Variants in BMP2 observed in about 807,000 individuals in gnomAD.
BMP2 encodes bone morphogenetic protein 2A.
In BMP2, 2 loss-of-function variants were observed where a neutral mutation model predicts 28.8. The ratio of observed to expected loss-of-function variants is 0.07; its 90% confidence interval spans 0.03 to 0.22. The LOEUF is 0.22. Ranked by LOEUF, BMP2 falls within the 10% of genes least tolerant of loss-of-function variation. The pLI is 1.00. For missense variants in BMP2, 437 were observed against 517.7 expected (o/e 0.84, Z 1.51); for synonymous variants, 218 against 204.3 (o/e 1.07, Z -0.57).
In BMP2 at chr20:6,779,830, ATAAT is replaced by A. The variant is rs1568550276; in HGVS notation, c.*744_*747del. On this transcript the variant is annotated 3_prime_UTR_variant, in exon 3 of 3. Transcript: ENST00000378827. ...AAAGAATAAAGCAGGATCCATAGAA[ATAAT>A]TAGGAAAACGATGAACCTGCAGGAA... is the stretch of plus-strand genomic sequence containing the variant. 6.6e-6 allele frequency: 1 copy of A among 152,352 alleles called. No homozygotes were observed. The highest frequency in any genetic ancestry group is 1.9e-4 in the East Asian group (1 of 5,202). The allele number at this position is 152,352 out of a possible 1,614,324, so 9.4% of individuals were successfully genotyped here. A position where few individuals can be genotyped will look rare whatever the true frequency, so the allele number is the denominator to read the frequency against.
chr20:6,771,792 G>C (rs548923782), intron 2 of BMP2, among the ~76,000 whole-genome samples: 1 of 152,284 alleles, frequency 6.6e-6, no homozygotes, highest in Admixed American at 6.5e-5. Context: ...AATCAGATTT[G>C]AAAGGCAGTA....
intron 2 of BMP2, among the ~76,000 whole-genome samples, chr20:6,775,011 C>T (rs1275693634): frequency 6.6e-6 from 1 of 152,200 alleles, no homozygotes; most frequent in East Asian, 1.9e-4. Context: ...GCCATAGCTC[C>T]ATCCATTTGG....
intron 2 of BMP2, among the ~76,000 whole-genome samples, chr20:6,770,727 T>C (rs1270088986): frequency 2.0e-5 from 3 of 152,068 alleles, no homozygotes; most frequent in African/African-American, 4.8e-5. Context: ...CCTGGAAGAA[T>C]TGGAGAGAAA....
In BMP2 at chr20:6,767,914, C is replaced by T. The variant is rs1017925880; in HGVS notation, c.-969C>T. The stretch of plus-strand genomic sequence containing the variant: ...GCCGCAGACCCCGCGCGGGCTGGAG[C>T]ACCCGGCAGAGCGCGCCACAGCGCC... On this transcript the variant is annotated 5_prime_UTR_variant, in exon 1 of 3. Transcript: ENST00000378827. 7.3e-5 allele frequency: 28 copies of T among 383,530 alleles called. No homozygotes were observed. The East Asian group carries it at 1.0e-3, about 14-fold the overall frequency. The allele number at this position is 383,530 out of a possible 1,614,324, so 23.8% of individuals were successfully genotyped here. A position where few individuals can be genotyped will look rare whatever the true frequency, so the allele number is the denominator to read the frequency against.
At chr20:6,770,636 C>T (rs1986380140) in intron 2 of BMP2, among the ~76,000 whole-genome samples, 164 bp downstream of exon 2, 1 of 152,220 alleles carries the variant, frequency 6.6e-6, no homozygotes, top group Non-Finnish European at 1.5e-5. Context: ...TAACTCACTG[C>T]TTGTGTGGTG....
rs924009859 is a variant in BMP2 at position 6,767,743 on chromosome 20, G to C, written c.-1140G>C. The C allele has an allele frequency of 1.1e-5, 2 of 186,862 alleles. No homozygotes were observed. The highest frequency in any genetic ancestry group is 2.2e-5 in the Non-Finnish European group (2 of 91,564). 11.6% of individuals were successfully genotyped at this position (186,862 alleles called of 1,614,324 possible). ...CGCCCCGCCGCGCTGCGCCCGGCTC[G>C]CGCTGCGCTAGTCGCTCCGCTTCCC... On this transcript the variant is annotated 5_prime_UTR_variant, in exon 1 of 3. Transcript: ENST00000378827.
chr20:6,774,723 A>C (rs1204627175), intron 2 of BMP2, among the ~76,000 whole-genome samples: 8 of 152,206 alleles, frequency 5.3e-5, no homozygotes, highest in Non-Finnish European at 7.3e-5. Flanking sequence ...GAGATAATTC[A>C]TATAAAGCTG....
rs374701917 is a variant in BMP2, at chr20:6,779,023, C to A, written c.1125C>A (p.Asp375Glu). ...ELSAISMLYL[D>E]ENEKVVLKNY... ...GTGCTATCTCGATGCTGTACCTTGACGAGAATGAAAAGGTTGTATTAAAGA... is the reference window on the plus strand; with the variant it reads ...GTGCTATCTCGATGCTGTACCTTGAAGAGAATGAAAAGGTTGTATTAAAGA... Residue 375 changes from aspartate (D) to glutamate (E), a missense_variant, in exon 3 of 3, where the codon GAC (aspartate) becomes GAA (glutamate). Around this residue, in one of 2 missense-constraint regions of BMP2, gnomAD observed 74 missense variants for 124.9 expected, o/e 0.59. Coordinates refer to ENST00000378827, the MANE Select transcript of BMP2 (RefSeq NM_001200.4). 6.2e-7 allele frequency: 1 copy of A among 1,613,228 alleles called. No homozygotes were observed. Among genetic ancestry groups the A allele is most frequent in the Non-Finnish European group, 8.5e-7 (1 of 1,179,874 alleles).
intron 2 of BMP2, 31 bp downstream of exon 2, chr20:6,770,503 G>T: frequency 6.5e-7 from 1 of 1,546,104 alleles, no homozygotes; most frequent in Non-Finnish European, 8.8e-7. Context: ...TGGGGGCGGG[G>T]AGTCACCCTG....
chr20:6,779,769 A>G lies in BMP2; in HGVS notation c.*680A>G, dbSNP rs1055921066. ...GATAAGAACCAGACATTGCTGATCT[A>G]TTATAGAAACTCTCCTCCTGCCCCT... is the stretch of plus-strand genomic sequence containing the variant. On this transcript the variant is annotated 3_prime_UTR_variant, in exon 3 of 3. Transcript: ENST00000378827. The G allele has an allele frequency of 2.6e-5, 4 of 152,596 alleles. No homozygotes were observed. The highest frequency in any genetic ancestry group is 9.6e-5 in the African/African-American group (4 of 41,468). 9.5% of individuals were successfully genotyped at this position (152,596 alleles called of 1,614,324 possible).
In BMP2 at chr20:6,770,391, C is replaced by G. The variant is rs1464127693; in HGVS notation, c.265C>G (p.Gln89Glu). ...MLDLYRRHSG[Q>E]PGSPAPDHRL... ...AGACCTGTATCGCAGGCACTCAGGT[C>G]AGCCGGGCTCACCCGCCCCAGACCA... Residue 89 changes from glutamine to glutamate, a missense_variant, in exon 2 of 3, where the codon CAG becomes GAG. Physicochemically the swap from Gln to Glu is conservative, Grantham distance 29 (BLOSUM62 2). Transcript: ENST00000378827. The G allele has an allele frequency of 1.2e-6, 2 of 1,612,840 alleles. No homozygotes were observed. The highest frequency in any genetic ancestry group is 4.5e-5 in the East Asian group (2 of 44,844).
intron 2 of BMP2, among the ~76,000 whole-genome samples, chr20:6,775,491 T>G (rs374482496): frequency 6.6e-5 from 10 of 152,158 alleles, no homozygotes; most frequent in Non-Finnish European, 1.5e-4. Context: ...CAGAGAAAGA[T>G]CTTCGTATCG....
At chr20:6,772,714 G>T (rs1449648183) in intron 2 of BMP2, among the ~76,000 whole-genome samples, 1 of 152,124 alleles carries the variant, frequency 6.6e-6, no homozygotes, top group Non-Finnish European at 1.5e-5. Context: ...GGAATTACTC[G>T]ACGAGATATC....
intron 2 of BMP2, among the ~76,000 whole-genome samples, chr20:6,775,064 G>T (rs116815994): frequency 6.6e-6 from 1 of 152,072 alleles, no homozygotes; most frequent in Non-Finnish European, 1.5e-5. Context: ...AAGACAGGTC[G>T]AAATCCTCAA....
rs1321547063 is a variant in BMP2 at position 6,770,417 on chromosome 20, C to A, written c.291C>A (p.His97Gln). 6.2e-7 allele frequency: 1 copy of A among 1,610,872 alleles called. No homozygotes were observed. Among genetic ancestry groups the A allele is most frequent in the Non-Finnish European group, 8.5e-7 (1 of 1,178,544 alleles). The change falls in exon 2 of 3, where the codon CAC becomes CAA. Residue 97 changes from histidine (H) to glutamine (Q), a missense_variant. Coordinates refer to ENST00000378827, the MANE Select transcript of BMP2 (RefSeq NM_001200.4). ...SGQPGSPAPD[H>Q]RLERAASRAN... ...AGCCGGGCTCACCCGCCCCAGACCACCGGTTGGAGAGGGCAGCCAGCCGAG... is the reference window on the plus strand; with the variant it reads ...AGCCGGGCTCACCCGCCCCAGACCAACGGTTGGAGAGGGCAGCCAGCCGAG...
At chr20:6,771,725 T>C (rs1986404772) in intron 2 of BMP2, among the ~76,000 whole-genome samples, 3 of 152,228 alleles carry the variant, frequency 2.0e-5, no homozygotes, top group Admixed American at 2.0e-4. Flanking sequence ...GGACACTGAA[T>C]TGATCATCAG....
Position 6,779,576 on chromosome 20 carries a change from G to A in BMP2, c.*487G>A, listed in dbSNP as rs1048902309. 1.3e-5 allele frequency: 2 copies of A among 152,562 alleles called. No individual in the cohort carries two copies. Among genetic ancestry groups the A allele is most frequent in the Non-Finnish European group, 2.9e-5 (2 of 68,028 alleles). 9.5% of individuals were successfully genotyped at this position (152,562 alleles called of 1,614,324 possible). A position where few individuals can be genotyped will look rare whatever the true frequency, so the allele number is the denominator to read the frequency against. On this transcript the variant is annotated 3_prime_UTR_variant, in exon 3 of 3. Transcript: ENST00000378827. ...CTCTGGCAAAGTGCTTAGCACGTTT[G>A]CTTTTTTGCAGTGCTACTGTTGAGT...
rs999913483 is a variant in BMP2, at chr20:6,768,142, G to A, written c.-741G>A. 1.0e-5 allele frequency: 4 copies of A among 398,198 alleles called. No individual in the cohort carries two copies. Among genetic ancestry groups the A allele is most frequent in the Non-Finnish European group, 1.8e-5 (4 of 225,796 alleles). 24.7% of individuals were successfully genotyped at this position (398,198 alleles called of 1,614,324 possible). ...CCAGGGCTAGGAGAGCGAGGGGAGAGCACAGCCACCCGCCTCGGCGGCCCG... is the reference window on the plus strand; with the variant it reads ...CCAGGGCTAGGAGAGCGAGGGGAGAACACAGCCACCCGCCTCGGCGGCCCG... On this transcript the variant is annotated 5_prime_UTR_variant, in exon 1 of 3. Transcript: ENST00000378827.
rs1568546658 is a variant in BMP2 at position 6,767,858 on chromosome 20, TGG to T, written c.-1024_-1023del. 5 of 352,542 alleles carry T rather than the reference TGG, an allele frequency of 1.4e-5. No individual in the cohort carries two copies. Among genetic ancestry groups the T allele is most frequent in the South Asian group, 1.4e-4 (1 of 6,926 alleles). 21.8% of individuals were successfully genotyped at this position (352,542 alleles called of 1,614,324 possible). ...GAACGTTCTCGGGGCCAGCGCCGAG[TGG>T]ATCACCGGGGACCGCGAGGCACCCG... On this transcript the variant is annotated 5_prime_UTR_variant, in exon 1 of 3. Coordinates refer to ENST00000378827, the MANE Select transcript of BMP2 (RefSeq NM_001200.4).
Sources: gnomAD v4.1 joint callset for allele counts (sites outside exome capture counted in the v4.1 genomes callset) on GRCh38, gnomAD v4.1.1 for gene constraint, gnomAD v4.1.1 regional missense constraint, MANE v1.5 for transcripts, NCBI Gene and HGNC (gene_info 2026-07-23, HGNC 2026-07-21) for gene names.